Variants in NFIA observed in about 807,000 individuals in gnomAD.
NFIA encodes the protein nuclear factor I A, also known as nuclear factor 1 A-type.
A neutral mutation model predicts 62.8 loss-of-function variants in NFIA; 8 were observed. That is an observed-to-expected ratio of 0.13 (90% CI 0.07 to 0.23). The LOEUF (loss-of-function observed/expected upper bound fraction) is 0.23. NFIA is among the 10% of genes least tolerant of loss of function. The pLI, the probability that NFIA is intolerant of heterozygous loss-of-function variation, is 1.00. For missense variants in NFIA, 410 were observed against 642.1 expected, an observed-to-expected ratio of 0.64 and a Z score of 3.91; for synonymous variants, 235 against 238.1, an observed-to-expected ratio of 0.99 and a Z score of 0.12.
intron 2 of NFIA, among the ~76,000 whole-genome samples, chr1:61,227,317 AG>A (rs1654393898): frequency 6.6e-6 from 1 of 151,990 alleles, no homozygotes; most frequent in Non-Finnish European, 1.5e-5. Context: ...CTTTTTGTTT[AG>A]TTTAGAAATT....
chr1:61,145,257 C>T (rs1334063642), intron 2 of NFIA, among the ~76,000 whole-genome samples: 2 of 152,152 alleles, frequency 1.3e-5, no homozygotes, highest in African/African-American at 4.8e-5. Context: ...TGCCGTATAA[C>T]CTGATTTCAC....
At chr1:61,197,375 A>G (rs1364393729) in intron 2 of NFIA, among the ~76,000 whole-genome samples, 1 of 149,470 alleles carries the variant, frequency 6.7e-6, no homozygotes, top group Non-Finnish European at 1.5e-5. Flanking sequence ...AGTAGCTGGG[A>G]TTACAGGCGC....
At chr1:61,350,203 C>G (rs1366191072) in intron 4 of NFIA, among the ~76,000 whole-genome samples, 1 of 152,218 alleles carries the variant, frequency 6.6e-6, no homozygotes, top group African/African-American at 2.4e-5. Flanking sequence ...TGTTTACTGA[C>G]TGCCTCCTGG....
upstream of NFIA, chr1:61,077,777 G>A (rs1646049438): frequency 2.0e-6 from 1 of 494,324 alleles, no homozygotes; most frequent in East Asian, 3.5e-5. Context: ...TGTCTATTGT[G>A]ATGGTTTTGT....
At chr1:61,406,845 G>A (rs1166895464) in intron 9 of NFIA, 118 bp downstream of exon 9, 2 of 1,206,926 alleles carry the variant, frequency 1.7e-6, no homozygotes, top group African/African-American at 3.1e-5. Flanking sequence ...CCCCAGTGAT[G>A]TTGTAGCATG....
intron 2 of NFIA, among the ~76,000 whole-genome samples, chr1:61,247,044 A>G (rs894636380): frequency 6.6e-6 from 1 of 152,156 alleles, no homozygotes; most frequent in African/African-American, 2.4e-5. Flanking sequence ...AAGTTTTGTA[A>G]GCATTAAGTA....
At chr1:61,200,036 A>ATATATATG (rs1652340401) in intron 2 of NFIA, among the ~76,000 whole-genome samples, 5 of 46,072 alleles carry the variant, frequency 1.1e-4, no homozygotes, top group African/African-American at 5.5e-4. Context: ...ATATATATAT[A>ATATATATG]TATATATATA....
At chr1:61,231,345 G>A (rs928025200) in intron 2 of NFIA, among the ~76,000 whole-genome samples, 2 of 152,004 alleles carry the variant, frequency 1.3e-5, no homozygotes, top group South Asian at 4.1e-4. Flanking sequence ...TGGTTTTTCA[G>A]GAATAAAAAT....
upstream of NFIA, chr1:61,081,656 T>G (rs1646096372): frequency 4.2e-6 from 2 of 478,122 alleles, no homozygotes; most frequent in Non-Finnish European, 7.7e-6. Flanking sequence ...TTCACAGTCC[T>G]GGGAGGGATA....
At chr1:61,409,586 C>T (rs1666006191) in intron 9 of NFIA, among the ~76,000 whole-genome samples, 1 of 152,108 alleles carries the variant, frequency 6.6e-6, no homozygotes, top group Admixed American at 6.5e-5. Flanking sequence ...TTTTTTAAAT[C>T]AGAAGACAAA....
chr1:61,454,178 T>G (rs1668198937), intron 10 of NFIA, among the ~76,000 whole-genome samples: 1 of 152,220 alleles, frequency 6.6e-6, no homozygotes, highest in South Asian at 2.1e-4. Context: ...CTTAAAGAAT[T>G]CAGAAGCATT....
At chr1:61,188,133 C>T (rs975728482) in intron 2 of NFIA, among the ~76,000 whole-genome samples, 7 of 151,954 alleles carry the variant, frequency 4.6e-5, no homozygotes, top group African/African-American at 1.5e-4. Context: ...CTGCACCCTC[C>T]GCCTCCCGGG....
intron 7 of NFIA, among the ~76,000 whole-genome samples, chr1:61,393,428 C>G (rs1665113248): frequency 6.7e-6 from 1 of 149,578 alleles, no homozygotes; most frequent in Non-Finnish European, 1.5e-5. Context: ...GTGAGCAGCT[C>G]CAGCCTTAAT....
chr1:61,324,346 G>T (rs761445483), intron 3 of NFIA, among the ~76,000 whole-genome samples: 6 of 152,148 alleles, frequency 3.9e-5, no homozygotes, highest in Admixed American at 3.3e-4. Flanking sequence ...GTAATCATTG[G>T]CCTGTCTTGT....
chr1:61,122,087 G>A (rs1465081538), intron 2 of NFIA, among the ~76,000 whole-genome samples: 1 of 152,184 alleles, frequency 6.6e-6, no homozygotes, highest in African/African-American at 2.4e-5. Flanking sequence ...TGTATATTTT[G>A]TGATTGTGAA....
intron 2 of NFIA, among the ~76,000 whole-genome samples, chr1:61,160,993 C>A (rs1176116868): frequency 6.6e-6 from 1 of 152,196 alleles, no homozygotes; most frequent in African/African-American, 2.4e-5. Flanking sequence ...CAGCTCACTG[C>A]AACCTCTGCC....
At chr1:61,219,994 G>A (rs988506867) in intron 2 of NFIA, among the ~76,000 whole-genome samples, 2 of 151,104 alleles carry the variant, frequency 1.3e-5, no homozygotes, top group East Asian at 1.9e-4. Context: ...AATAAATAAC[G>A]CATAATAGCT....
At chr1:61,274,564 T>C (rs1657696888) in intron 2 of NFIA, among the ~76,000 whole-genome samples, 1 of 152,088 alleles carries the variant, frequency 6.6e-6, no homozygotes, top group African/African-American at 2.4e-5. Context: ...CAGTTGGGTT[T>C]GTTTTCTGAG....
chr1:61,371,838 G>A (rs1663901531), intron 6 of NFIA, among the ~76,000 whole-genome samples: 1 of 152,164 alleles, frequency 6.6e-6, no homozygotes, highest in Non-Finnish European at 1.5e-5. Context: ...AGCCAGCCTA[G>A]TTGTAGTGCC....
Sources: gnomAD v4.1 joint callset for allele counts (sites outside exome capture counted in the v4.1 genomes callset) on GRCh38, gnomAD v4.1.1 for gene constraint, MANE v1.5 for transcripts, NCBI Gene and HGNC (gene_info 2026-07-23, HGNC 2026-07-21) for gene names.